Variants in PRKCQ observed in about 807,000 individuals in gnomAD.
PRKCQ encodes protein kinase C theta, also known as protein kinase C theta type.
A neutral mutation model predicts 91.2 loss-of-function variants in PRKCQ; 41 were observed. That is an observed-to-expected ratio of 0.45 (90% CI 0.35 to 0.58). The LOEUF (loss-of-function observed/expected upper bound fraction) is 0.58, where lower values mean the gene tolerates loss of function less well. Ranked by LOEUF, PRKCQ falls within the 20% of genes least tolerant of loss-of-function variation. The pLI is 0.00. For synonymous variants in PRKCQ, 307 were observed against 316.9 expected (o/e 0.97, Z 0.33); for missense variants, 673 against 896.5 (o/e 0.75, Z 3.18).
In PRKCQ at chr10:6,430,726, G is replaced by C; in HGVS notation, c.1965+84C>G. 1 of 1,546,010 alleles carries C rather than the reference G, an allele frequency of 6.5e-7. No homozygotes were observed. Reference sequence around the variant, plus strand: ...GGAGTTGGGGCACCGGCAGGGGTGAGCAGCTGCGGTGACTTGGACAGGCAG... The same window carrying C: ...GGAGTTGGGGCACCGGCAGGGGTGACCAGCTGCGGTGACTTGGACAGGCAG... On this transcript the variant is annotated intron_variant, in intron 17 of 17. Coordinates refer to ENST00000263125, the MANE Select transcript of PRKCQ (RefSeq NM_006257.5). The surrounding 1 kb of genome is among the most constrained non-coding windows in gnomAD (Gnocchi z 4.7).
chr10:6,467,389 CAG>C lies in PRKCQ; in HGVS notation c.1354-2987_1354-2986del, dbSNP rs1160599680. ...AGAGAGAGAGACAGAGAGAGACAGA[CAG>C]AGAGAGAGAGAGAGAGAGAGAGAGA... On this transcript the variant is annotated intron_variant, in intron 12 of 17. Transcript: ENST00000263125. Among the ~76,000 whole-genome samples the C allele has an allele frequency of 9.9e-3, 275 of 27,780 alleles. 7 individuals carry two copies. Among genetic ancestry groups the C allele is most frequent in the Middle Eastern group, 0.045 (2 of 44 alleles). The allele number at this position is 27,780 out of a possible 152,430, so 18.2% of individuals were successfully genotyped here.
At chr10:6,521,803 T>C (rs989052481) in intron 1 of PRKCQ, among the ~76,000 whole-genome samples, 5 of 152,204 alleles carry the variant, frequency 3.3e-5, no homozygotes, top group African/African-American at 1.2e-4. Context: ...CTGGATGCAG[T>C]CATTATCATG....
At chr10:6,567,637 G>GT (rs1256075095) in intron 1 of PRKCQ, among the ~76,000 whole-genome samples, 1 of 152,168 alleles carries the variant, frequency 6.6e-6, no homozygotes, top group Non-Finnish European at 1.5e-5. Context: ...CTTTAACATT[G>GT]TTTTAGCTGG....
At chr10:6,475,756 A>ACTTGTGG (rs1836234375) in intron 12 of PRKCQ, among the ~76,000 whole-genome samples, 1 of 152,210 alleles carries the variant, frequency 6.6e-6, no homozygotes, top group Non-Finnish European at 1.5e-5. Flanking sequence ...TTTTGCATTC[A>ACTTGTGG]CTTGTGGTAT....
At chr10:6,459,094 T>C (rs1328890225) in intron 14 of PRKCQ, among the ~76,000 whole-genome samples, 1 of 152,186 alleles carries the variant, frequency 6.6e-6, no homozygotes, top group East Asian at 1.9e-4. Context: ...CATTTTCCTA[T>C]TGCTGTGCCT....
intron 9 of PRKCQ, among the ~76,000 whole-genome samples, chr10:6,485,502 G>C (rs1836856895): frequency 6.6e-6 from 1 of 152,194 alleles, no homozygotes. Context: ...GGGGCTGACA[G>C]GATTCTCTCA....
At chr10:6,432,115 T>C (rs1259087963) in intron 16 of PRKCQ, among the ~76,000 whole-genome samples, 2 of 152,186 alleles carry the variant, frequency 1.3e-5, no homozygotes, top group African/African-American at 4.8e-5. Context: ...CCATGAGTTA[T>C]AGGGCATTTT....
the PRKCQ span, among the ~76,000 whole-genome samples, chr10:6,412,888 C>T: frequency 6.6e-6 from 1 of 152,250 alleles, no homozygotes; most frequent in Non-Finnish European, 1.5e-5. Flanking sequence ...CTGCCTTCCA[C>T]AATCACTTAT....
chr10:6,438,565 TC>T (rs950135368), intron 16 of PRKCQ, among the ~76,000 whole-genome samples: 1 of 152,114 alleles, frequency 6.6e-6, no homozygotes, highest in Non-Finnish European at 1.5e-5. Flanking sequence ...ACACCTGCAT[TC>T]TTGGTCCACT....
chr10:6,447,432 T>G (rs1233793189), intron 15 of PRKCQ, among the ~76,000 whole-genome samples: 1 of 151,118 alleles, frequency 6.6e-6, no homozygotes, highest in Non-Finnish European at 1.5e-5. Flanking sequence ...AAGTACGATA[T>G]TTCCCTGTTT....
At chr10:6,475,334 A>G (rs973062621) in intron 12 of PRKCQ, among the ~76,000 whole-genome samples, 1 of 152,210 alleles carries the variant, frequency 6.6e-6, no homozygotes, top group African/African-American at 2.4e-5. Context: ...CCCTGTTGAT[A>G]AACGGCAGAG....
chr10:6,534,774 C>A (rs28559831), intron 1 of PRKCQ, among the ~76,000 whole-genome samples: 126 of 142,762 alleles, frequency 8.8e-4, no homozygotes, highest in African/African-American at 3.0e-3. Flanking sequence ...AAACATATAT[C>A]TATATATATA....
At chr10:6,578,760 G>A (rs1159978528) in intron 1 of PRKCQ, among the ~76,000 whole-genome samples, 1 of 152,248 alleles carries the variant, frequency 6.6e-6, no homozygotes, top group Non-Finnish European at 1.5e-5. Flanking sequence ...AACCATATTA[G>A]TAAATGTCAC....
chr10:6,486,378 G>C (rs189246925), intron 8 of PRKCQ, among the ~76,000 whole-genome samples: 18 of 152,252 alleles, frequency 1.2e-4, no homozygotes, highest in Admixed American at 1.2e-3. Context: ...CCAAATTGAA[G>C]ACTAGCTAAA....
At chr10:6,408,274 T>C in the PRKCQ span, among the ~76,000 whole-genome samples, 1 of 152,204 alleles carries the variant, frequency 6.6e-6, no homozygotes, top group Non-Finnish European at 1.5e-5. Context: ...TTCTGTGTTC[T>C]GTATTTCTTA....
rs1040386269 is a variant in PRKCQ at position 6,540,942 on chromosome 10, T to C, written c.-9-25798A>G. 5.9e-5 allele frequency among the ~76,000 whole-genome samples: 9 copies of C among 152,350 alleles called. 1 individual carries two copies. The highest frequency in any genetic ancestry group is 2.2e-4 in the African/African-American group (9 of 41,586). The stretch of plus-strand genomic sequence containing the variant: ...CCTAATGGGTGTGAAGCAGAGCTTA[T>C]TGATTTGTGTTGTATTTCCCTACTA... On this transcript the variant is annotated intron_variant, in intron 1 of 17. Coordinates refer to ENST00000263125, the MANE Select transcript of PRKCQ (RefSeq NM_006257.5).
downstream of PRKCQ, among the ~76,000 whole-genome samples, chr10:6,424,946 G>C (rs1023150915): frequency 1.3e-5 from 2 of 152,174 alleles, no homozygotes; most frequent in African/African-American, 4.8e-5. Context: ...CAAAGTGGAG[G>C]GGAACTGGGA....
At chr10:6,445,139 A>AAT (rs1834206645) in intron 15 of PRKCQ, among the ~76,000 whole-genome samples, 2 of 135,926 alleles carry the variant, frequency 1.5e-5, no homozygotes. Flanking sequence ...AAAAAAAAAA[A>AAT]AAAAAAAAAA....
At chr10:6,501,622 G>C (rs1179896670) in intron 4 of PRKCQ, among the ~76,000 whole-genome samples, 1 of 152,056 alleles carries the variant, frequency 6.6e-6, no homozygotes, top group Non-Finnish European at 1.5e-5. Context: ...GGGAGTTTGA[G>C]ACCAGCCTGA....
Sources: gnomAD v4.1 joint callset for allele counts (sites outside exome capture counted in the v4.1 genomes callset) on GRCh38, gnomAD v4.1.1 for gene constraint, Gnocchi (gnomAD v3.1) non-coding constraint, MANE v1.5 for transcripts, NCBI Gene and HGNC (gene_info 2026-07-23, HGNC 2026-07-21) for gene names.